The following RORC variants were observed in gnomAD, a reference collection of about 807,000 sequenced individuals.
RORC encodes the protein nuclear receptor ROR-gamma.
RORC carries 13 observed loss-of-function variants against 64.5 expected under a neutral mutation model. That is an observed-to-expected ratio of 0.20 (90% confidence interval 0.13 to 0.32). The LOEUF is 0.32. Among genes scored for constraint, RORC ranks in the 10% least tolerant of loss-of-function variants. The probability of loss-of-function intolerance (pLI) is 1.00; values close to 1 mark genes in which losing one functional copy is unlikely to be tolerated. For missense variants in RORC, 468 were observed against 669.5 expected (o/e 0.70, Z 3.32); for synonymous variants, 277 against 259.3 (o/e 1.07, Z -0.65).
intron 6 of RORC, chr1:151,814,101 A>G (rs1435482138): frequency 5.6e-6 from 1 of 177,068 alleles, no homozygotes; most frequent in Non-Finnish European, 1.2e-5. Context: ...GACTTTGAGG[A>G]AACCTATTAA....
chr1:151,826,031 G>A, intron 2 of RORC: 2 of 1,597,436 alleles, frequency 1.3e-6, no homozygotes, highest in Non-Finnish European at 1.7e-6. Context: ...GGCGGGGCGA[G>A]GCCCTCTCAG....
Position 151,830,933 on chromosome 1 carries a change from C to A in RORC, c.40+792G>T, listed in dbSNP as rs1187555584. The A allele has an allele frequency of 7.8e-7, 1 of 1,288,836 alleles. No homozygotes were observed. The highest frequency in any genetic ancestry group is 1.0e-6 in the Non-Finnish European group (1 of 988,600). The allele number at this position is 1,288,836 out of a possible 1,614,324, so 79.8% of individuals were successfully genotyped here. ...GGGGTGCTCCCCTTGCTCACCCAGG[C>A]AGCCAGTTCTTCCTCCACCAGGTGG... is the stretch of plus-strand genomic sequence containing the variant. On this transcript the variant is annotated intron_variant, in intron 1 of 10. Coordinates refer to ENST00000318247, the MANE Select transcript of RORC (RefSeq NM_005060.4). This position sits in a 1 kb window ranked among gnomAD's most constrained non-coding sequence, Gnocchi z 4.0.
chr1:151,823,106 A>G (rs1364713377), intron 2 of RORC, among the ~76,000 whole-genome samples: 2 of 152,078 alleles, frequency 1.3e-5, no homozygotes, highest in Non-Finnish European at 2.9e-5. Context: ...AAGACGGGGA[A>G]AGAGAAGGGT....
intron 10 of RORC, among the ~76,000 whole-genome samples, chr1:151,810,678 C>T (rs1651489448): frequency 6.6e-6 from 1 of 152,120 alleles, no homozygotes; most frequent in Non-Finnish European, 1.5e-5. Flanking sequence ...TCTACAGGCG[C>T]CTGCCACCAT....
rs59443678 is a variant in RORC at position 151,830,659 on chromosome 1, C to CACAT, written c.40+1065_40+1066insATGT. On this transcript the variant is annotated intron_variant, in intron 1 of 10. Coordinates refer to ENST00000318247, the MANE Select transcript of RORC (RefSeq NM_005060.4). This position sits in a 1 kb window ranked among gnomAD's most constrained non-coding sequence, Gnocchi z 4.0. ...ACACACACACACACACACACACACA[C>CACAT]ACAGTGCCCTTCTGCCCGGGAGATG... is the stretch of plus-strand genomic sequence containing the variant. Among the ~76,000 whole-genome samples, 101 of 139,156 alleles carry CACAT rather than the reference C, an allele frequency of 7.3e-4. 3 individuals carry two copies. The highest frequency in any genetic ancestry group is 1.7e-3 in the South Asian group (7 of 4,218). 91.3% of individuals were successfully genotyped at this position (139,156 alleles called of 152,430 possible).
intron 10 of RORC, among the ~76,000 whole-genome samples, chr1:151,808,836 T>C (rs1651410454): frequency 6.6e-6 from 1 of 152,082 alleles, no homozygotes; most frequent in Admixed American, 6.5e-5. Flanking sequence ...AGGAAAAACC[T>C]CTCCCGAATG....
Position 151,811,312 on chromosome 1 carries a change from G to A in RORC, c.1395+13C>T. 2 of 1,580,676 alleles carry A rather than the reference G, an allele frequency of 1.3e-6. No individual in the cohort carries two copies. Among genetic ancestry groups the A allele is most frequent in the Non-Finnish European group, 1.7e-6 (2 of 1,150,068 alleles). The stretch of plus-strand genomic sequence containing the variant: ...ATGGGCCTGGCCTCTTCTACCCCAG[G>A]GACTGCTCCTACCTTTGCCAGGATG... On this transcript the variant is annotated intron_variant, in intron 10 of 10. Transcript: ENST00000318247.
chr1:151,810,533 A>ATTTTT lies in RORC; in HGVS notation c.1395+787_1395+791dup, dbSNP rs5777785. ...GAAGTCTCCTGATAGCTACAAGGAG[A>ATTTTT]TTTTTTTTTTTTTTTTGAGACAGAG... On this transcript the variant is annotated intron_variant, in intron 10 of 10. Coordinates refer to ENST00000318247, the MANE Select transcript of RORC (RefSeq NM_005060.4). Among the ~76,000 whole-genome samples the ATTTTT allele has an allele frequency of 5.6e-3, 790 of 142,052 alleles. 17 individuals are homozygous for ATTTTT. Among genetic ancestry groups the ATTTTT allele is most frequent in the South Asian group, 0.03 (135 of 4,432 alleles). 93.2% of individuals were successfully genotyped at this position (142,052 alleles called of 152,430 possible).
intron 2 of RORC, among the ~76,000 whole-genome samples, chr1:151,827,691 G>A (rs938500771): frequency 2.6e-5 from 4 of 152,214 alleles, no homozygotes; most frequent in Admixed American, 6.5e-5. Flanking sequence ...CCAGGCACAG[G>A]CCTTTCCTTG....
At chr1:151,831,611 C>T (rs1217725854) in intron 1 of RORC, 114 bp downstream of exon 1, 9 of 1,597,382 alleles carry the variant, frequency 5.6e-6, no homozygotes, top group East Asian at 2.2e-5. Context: ...TTCTCCTCTG[C>T]ACTCTTGTCC....
intron 2 of RORC, among the ~76,000 whole-genome samples, chr1:151,826,307 G>A (rs1652194982): frequency 2.0e-5 from 3 of 152,176 alleles, no homozygotes; most frequent in Non-Finnish European, 4.4e-5. Context: ...GTTTCCACCC[G>A]CCAGGGTAGT....
Position 151,822,204 on chromosome 1 carries a change from C to T in RORC, c.71-4924G>A, listed in dbSNP as rs933524383. Among the ~76,000 whole-genome samples the T allele has an allele frequency of 3.3e-5, 5 of 151,864 alleles. 1 individual carries two copies. The highest frequency in any genetic ancestry group is 1.2e-4 in the African/African-American group (5 of 41,328). On this transcript the variant is annotated intron_variant, in intron 2 of 10. Transcript: ENST00000318247. ...TCAGGGGTCACTTGCACACCCCAAC[C>T]TGTCACCAGCCTCCCTCCTTTCTCA... is the stretch of plus-strand genomic sequence containing the variant.
chr1:151,828,110 G>T (rs1444088490), intron 2 of RORC, among the ~76,000 whole-genome samples: 1 of 152,176 alleles, frequency 6.6e-6, no homozygotes, highest in Non-Finnish European at 1.5e-5. Flanking sequence ...GTAGCATCCT[G>T]GATGGCCCTC....
Position 151,807,456 on chromosome 1 carries a change from G to C in RORC, c.*16C>G. The stretch of plus-strand genomic sequence containing the variant: ...CCAGCAGGCCATAGGGAGAGGCAAG[G>C]AGTCCCTCTTCCAGGTCACTTGGAC... On this transcript the variant is annotated 3_prime_UTR_variant, in exon 11 of 11. Coordinates refer to ENST00000318247, the MANE Select transcript of RORC (RefSeq NM_005060.4). The surrounding 1 kb of genome is among the most constrained non-coding windows in gnomAD (Gnocchi z 5.0). 6.2e-7 allele frequency: 1 copy of C among 1,613,072 alleles called. No homozygotes were observed. The highest frequency in any genetic ancestry group is 8.5e-7 in the Non-Finnish European group (1 of 1,179,160).
chr1:151,825,646 CTT>C (rs1652166745), intron 2 of RORC, among the ~76,000 whole-genome samples: 1 of 152,136 alleles, frequency 6.6e-6, no homozygotes, highest in African/African-American at 2.4e-5. Context: ...GGCTCTCAGT[CTT>C]TTTGTAAAAT....
intron 6 of RORC, 94 bp from the exon 7 acceptor site, chr1:151,813,714 A>G: frequency 7.0e-7 from 1 of 1,425,946 alleles, no homozygotes; most frequent in Admixed American, 2.0e-5. Flanking sequence ...TGCAAGGGGT[A>G]GGCTCTGAAC....
intron 2 of RORC, among the ~76,000 whole-genome samples, chr1:151,825,527 C>T (rs7541097): frequency 0.99 from 151,291 of 152,242 alleles, 75,170 homozygotes; most frequent in East Asian, 1. Context: ...AGGGAAACAC[C>T]GTAACAAGGG....
Position 151,807,597 on chromosome 1 carries a change from G to A in RORC, c.1432C>T (p.Gln478Ter). 6.2e-7 allele frequency: 1 copy of A among 1,614,142 alleles called. No homozygotes were observed. Among genetic ancestry groups the A allele is most frequent in the Non-Finnish European group, 8.5e-7 (1 of 1,180,024 alleles). The change falls in exon 11 of 11, where the codon CAG becomes TAG. Residue 478 changes from glutamine to a stop codon, truncating the protein, a stop_gained. Transcript: ENST00000318247. LOFTEE classifies it high-confidence loss of function. The surrounding 1 kb of genome is among the most constrained non-coding windows in gnomAD (Gnocchi z 5.0). ...AAGATCTGCAGCCTTTCCACATGCTGGCTACACAGGCTCCGAAGCTTCCCC... is the reference window on the plus strand; with the variant it reads ...AAGATCTGCAGCCTTTCCACATGCTAGCTACACAGGCTCCGAAGCTTCCCC... ...PKGKLRSLCS[Q>*]HVERLQIFQH...
intron 9 of RORC, 180 bp downstream of exon 9, chr1:151,812,767 G>A (rs1185410982): frequency 1.9e-6 from 1 of 529,416 alleles, no homozygotes; most frequent in Non-Finnish European, 3.4e-6. Context: ...GTCCCTCTCT[G>A]AGAGTCCTCT....
Sources: allele counts gnomAD v4.1 joint callset (sites outside exome capture counted in the v4.1 genomes callset), GRCh38; gene constraint gnomAD v4.1.1; non-coding constraint Gnocchi (gnomAD v3.1); transcripts MANE v1.5; gene names NCBI Gene and HGNC (gene_info 2026-07-23, HGNC 2026-07-21).